ZBTB7C: variants seen among roughly 807,000 people sequenced by gnomAD.
ZBTB7C encodes zinc finger and BTB domain-containing protein 7C.
ZBTB7C carries 8 observed loss-of-function variants against 25.7 expected under a neutral mutation model. The ratio of observed to expected loss-of-function variants is 0.31; its 90% CI spans 0.18 to 0.56. The LOEUF is 0.56. ZBTB7C is among the 20% of genes least tolerant of loss of function. ZBTB7C has a pLI of 0.91. For synonymous variants in ZBTB7C, 394 were observed against 369.0 expected, an observed-to-expected ratio of 1.07 and a Z score of -0.78; for missense variants, 824 against 855.2, an observed-to-expected ratio of 0.96 and a Z score of 0.46.
At chr18:48,179,251 C>G (rs1405608663) in intron 3 of ZBTB7C, among the ~76,000 whole-genome samples, 1 of 152,204 alleles carries the variant, frequency 6.6e-6, no homozygotes, top group Non-Finnish European at 1.5e-5. Context: ...AGAGGCTTGT[C>G]TTTTCTGAGG....
intron 3 of ZBTB7C, among the ~76,000 whole-genome samples, chr18:48,075,547 G>A (rs537533306): frequency 8.4e-4 from 128 of 152,220 alleles, no homozygotes; most frequent in African/African-American, 3.0e-3. Flanking sequence ...TCGGCTTAGC[G>A]ATTGCACAGT....
chr18:48,280,259 A>G (rs1054829383), intron 2 of ZBTB7C, among the ~76,000 whole-genome samples: 1 of 151,972 alleles, frequency 6.6e-6, no homozygotes, highest in Non-Finnish European at 1.5e-5. Context: ...TGAGGGTTTC[A>G]CCGACTCCCG....
In ZBTB7C at chr18:48,349,953, G is replaced by C. The variant is rs184826719; in HGVS notation, c.-303-11555C>G. On this transcript the variant is annotated intron_variant, in intron 1 of 4. Coordinates refer to ENST00000590800, the MANE Select transcript of ZBTB7C (RefSeq NM_001318841.2). ...GAATGCCACCTGCCCTTCATAAACA[G>C]GGCTATGTCCCACAGCATTGACAGT... 1.3e-3 allele frequency among the ~76,000 whole-genome samples: 202 copies of C among 152,298 alleles called. 1 individual carries two copies. Among genetic ancestry groups the C allele is most frequent in the Admixed American group, 3.5e-3 (53 of 15,302 alleles).
chr18:48,199,992 T>TTGTG (rs57540482), intron 2 of ZBTB7C, among the ~76,000 whole-genome samples: 6 of 149,206 alleles, frequency 4.0e-5, no homozygotes, highest in African/African-American at 7.4e-5. Flanking sequence ...GGAAATGTAT[T>TTGTG]TGTGTGTGTG....
At chr18:48,271,696 CATT>C (rs1443074860) in intron 2 of ZBTB7C, among the ~76,000 whole-genome samples, 1 of 151,688 alleles carries the variant, frequency 6.6e-6, no homozygotes, top group East Asian at 1.9e-4. Flanking sequence ...CAATGTGTCA[CATT>C]ATCAGATTAA....
In ZBTB7C at chr18:48,066,699, G is replaced by A. The variant is rs114839859; in HGVS notation, c.-16-25576C>T. On this transcript the variant is annotated intron_variant, in intron 3 of 4. Transcript: ENST00000590800. Reference sequence around the variant, plus strand: ...AAGTCTACAGGCCCTGAGAAATGCTGGGCATGTTCACAAGTGCAGAAAAAG... The same window carrying A: ...AAGTCTACAGGCCCTGAGAAATGCTAGGCATGTTCACAAGTGCAGAAAAAG... Among the ~76,000 whole-genome samples, 256 of 152,264 alleles carry A rather than the reference G, an allele frequency of 1.7e-3. 1 individual carries two copies. The highest frequency in any genetic ancestry group is 4.9e-3 in the African/African-American group (203 of 41,554).
intron 2 of ZBTB7C, among the ~76,000 whole-genome samples, chr18:48,276,272 C>T (rs1309866758): frequency 7.3e-6 from 1 of 137,666 alleles, no homozygotes; most frequent in Non-Finnish European, 1.6e-5. Context: ...TAAGCTTTCT[C>T]TCTTTTTTTT....
At chr18:48,236,641 G>A (rs1354928061) in intron 2 of ZBTB7C, among the ~76,000 whole-genome samples, 3 of 152,174 alleles carry the variant, frequency 2.0e-5, no homozygotes, top group African/African-American at 7.2e-5. Flanking sequence ...AAAAGATTGA[G>A]GTGGGAAGTA....
intron 3 of ZBTB7C, among the ~76,000 whole-genome samples, chr18:48,130,479 C>G (rs1049540036): frequency 6.6e-6 from 1 of 152,040 alleles, no homozygotes; most frequent in Non-Finnish European, 1.5e-5. Context: ...TGGTCCTTGC[C>G]CTTGAAGAGC....
intron 1 of ZBTB7C, among the ~76,000 whole-genome samples, chr18:48,348,272 C>T (rs1167071388): frequency 6.6e-6 from 1 of 152,210 alleles, no homozygotes; most frequent in Non-Finnish European, 1.5e-5. Context: ...TTTATACATC[C>T]CTGATGTCAT....
At chr18:48,202,035 C>T (rs2042462267) in intron 2 of ZBTB7C, among the ~76,000 whole-genome samples, 1 of 152,252 alleles carries the variant, frequency 6.6e-6, no homozygotes, top group Non-Finnish European at 1.5e-5. Flanking sequence ...AGGTTCCCAC[C>T]TAGCTAAAAG....
intron 2 of ZBTB7C, among the ~76,000 whole-genome samples, chr18:48,206,763 C>T (rs1344828122): frequency 1.3e-5 from 2 of 152,260 alleles, no homozygotes; most frequent in East Asian, 3.9e-4. Flanking sequence ...AGCTGCTGAA[C>T]GACACCCCTG....
intron 1 of ZBTB7C, among the ~76,000 whole-genome samples, chr18:48,404,023 C>T (rs1027546938): frequency 5.3e-5 from 8 of 152,144 alleles, no homozygotes; most frequent in Non-Finnish European, 8.8e-5. Context: ...GAGGGTGAGG[C>T]AGGCGGATCG....
chr18:48,286,018 G>C (rs1266434870), intron 2 of ZBTB7C, among the ~76,000 whole-genome samples: 2 of 152,104 alleles, frequency 1.3e-5, no homozygotes, highest in Non-Finnish European at 2.9e-5. Context: ...CCTTCCCCTT[G>C]AGGGATTTAG....
At chr18:48,404,089 C>G (rs1211882715) in intron 1 of ZBTB7C, among the ~76,000 whole-genome samples, 1 of 152,120 alleles carries the variant, frequency 6.6e-6, no homozygotes, top group Non-Finnish European at 1.5e-5. Flanking sequence ...CCCGTCTCTA[C>G]TAAAAATACA....
intron 2 of ZBTB7C, among the ~76,000 whole-genome samples, chr18:48,306,706 G>C (rs1471034168): frequency 6.6e-6 from 1 of 152,230 alleles, no homozygotes; most frequent in Middle Eastern, 3.4e-3. Context: ...ATGTAGCTGA[G>C]CTCAGGAACT....
At chr18:48,122,611 A>G (rs892617272) in intron 3 of ZBTB7C, among the ~76,000 whole-genome samples, 3 of 152,226 alleles carry the variant, frequency 2.0e-5, no homozygotes, top group African/African-American at 7.2e-5. Context: ...CCCTGTGATT[A>G]CTGACTTAAT....
chr18:48,297,217 T>C (rs1453469366), intron 2 of ZBTB7C, among the ~76,000 whole-genome samples: 2 of 152,258 alleles, frequency 1.3e-5, no homozygotes, highest in East Asian at 1.9e-4. Flanking sequence ...ATTTATTTTT[T>C]ATTTTACATT....
At chr18:48,128,124 C>A (rs182511689) in intron 3 of ZBTB7C, among the ~76,000 whole-genome samples, 1 of 152,360 alleles carries the variant, frequency 6.6e-6, no homozygotes, top group Non-Finnish European at 1.5e-5. Context: ...GAACATCAGC[C>A]TCTGGGCTGT....
Sources: gnomAD v4.1 joint callset for allele counts (sites outside exome capture counted in the v4.1 genomes callset) on GRCh38, gnomAD v4.1.1 for gene constraint, MANE v1.5 for transcripts, NCBI Gene and HGNC (gene_info 2026-07-23, HGNC 2026-07-21) for gene names.